TCF4: variants seen among roughly 807,000 people sequenced by gnomAD.
The protein encoded by TCF4 is transcription factor 4, also known as SL3-3 enhancer factor 2.
Under a neutral mutation model 82.1 loss-of-function variants are expected in TCF4, and 3 were observed. The observed-to-expected ratio is 0.04, with a 90% CI of 0.02 to 0.09. The LOEUF (loss-of-function observed/expected upper bound fraction) is 0.09, where lower values mean the gene tolerates loss of function less well. TCF4 is among the 10% of genes least tolerant of loss of function. The pLI is 1.00. For missense variants in TCF4, 518 were observed against 852.7 expected, an observed-to-expected ratio of 0.61 and a Z score of 4.89; for synonymous variants, 276 against 309.6, an observed-to-expected ratio of 0.89 and a Z score of 1.14.
chr18:55,394,518 C>T (rs2093370539), intron 6 of TCF4, among the ~76,000 whole-genome samples: 1 of 152,058 alleles, frequency 6.6e-6, no homozygotes, highest in African/African-American at 2.4e-5. Context: ...CCTAAGAATG[C>T]TAACAGTGAT....
At chr18:55,589,677 T>C (rs1948584713), upstream of TCF4, 1 of 1,037,288 alleles carries the variant, frequency 9.6e-7, no homozygotes, top group African/African-American at 1.7e-5. Context: ...AGTTTAGAGG[T>C]GTCTCATCAT....
intron 6 of TCF4, among the ~76,000 whole-genome samples, chr18:55,361,533 C>G (rs756827997): frequency 3.3e-5 from 5 of 152,206 alleles, no homozygotes; most frequent in African/African-American, 4.8e-5. Flanking sequence ...CTGGAAGACC[C>G]TTTCTTCCCA....
intron 8 of TCF4, among the ~76,000 whole-genome samples, chr18:55,344,250 A>G (rs1201997633): frequency 6.6e-6 from 1 of 152,194 alleles, no homozygotes; most frequent in African/African-American, 2.4e-5. Context: ...TTGCTATGTT[A>G]GCAAATAAAA....
At chr18:55,262,397 G>A (rs1206082928) in intron 11 of TCF4, among the ~76,000 whole-genome samples, 1 of 152,180 alleles carries the variant, frequency 6.6e-6, no homozygotes, top group African/African-American at 2.4e-5. Flanking sequence ...AGTATTAACA[G>A]AATGCCTAGC....
intron 2 of TCF4, among the ~76,000 whole-genome samples, chr18:55,617,104 A>C (rs1394416279): frequency 6.6e-6 from 1 of 152,106 alleles, no homozygotes; most frequent in East Asian, 1.9e-4. Context: ...AATTACATTT[A>C]AATCTCAAAT....
chr18:55,632,449 C>T (rs922918423), intron 1 of TCF4, among the ~76,000 whole-genome samples: 4 of 152,048 alleles, frequency 2.6e-5, no homozygotes, highest in African/African-American at 4.8e-5. Flanking sequence ...TTCAGGGAGA[C>T]GATGGAGTTT....
intron 8 of TCF4, among the ~76,000 whole-genome samples, chr18:55,300,257 TA>T (rs2146917197): frequency 6.6e-6 from 1 of 152,300 alleles, no homozygotes; most frequent in South Asian, 2.1e-4. Context: ...ATTTGTTTCT[TA>T]ACTGTGGTAC....
intron 8 of TCF4, among the ~76,000 whole-genome samples, chr18:55,291,841 G>A (rs573638653): frequency 6.6e-6 from 1 of 152,258 alleles, no homozygotes; most frequent in South Asian, 2.1e-4. Flanking sequence ...AATTAGAAGG[G>A]CAGAATTTTC....
intron 11 of TCF4, chr18:55,269,460 G>A (rs2059884025): frequency 3.2e-6 from 1 of 315,854 alleles, no homozygotes; most frequent in Non-Finnish European, 6.2e-6. Flanking sequence ...GGAATTTTGG[G>A]AAGTGGTCAA....
intron 8 of TCF4, chr18:55,321,148 G>T: frequency 6.3e-6 from 1 of 157,814 alleles, no homozygotes; most frequent in Non-Finnish European, 1.4e-5. Flanking sequence ...TTATGTGTTT[G>T]CTCTATTTTA....
At chr18:55,558,197 T>A (rs143117568) in intron 3 of TCF4, among the ~76,000 whole-genome samples, 55 of 152,144 alleles carry the variant, frequency 3.6e-4, no homozygotes, top group African/African-American at 1.2e-3. Flanking sequence ...GGCAACAGGG[T>A]GAGACTGTCT....
intron 5 of TCF4, among the ~76,000 whole-genome samples, chr18:55,431,423 G>C (rs948828489): frequency 6.6e-6 from 1 of 152,130 alleles, no homozygotes; most frequent in Non-Finnish European, 1.5e-5. Context: ...GGGATTACAG[G>C]CACCTGCCAC....
intron 6 of TCF4, among the ~76,000 whole-genome samples, chr18:55,358,768 T>C (rs1469589237): frequency 3.3e-5 from 5 of 152,214 alleles, no homozygotes; most frequent in East Asian, 1.9e-4. Flanking sequence ...TCTAATTAAG[T>C]AGGGTCAGAC....
At chr18:55,580,053 A>G (rs1245794317) in intron 3 of TCF4, among the ~76,000 whole-genome samples, 1 of 152,000 alleles carries the variant, frequency 6.6e-6, no homozygotes, top group African/African-American at 2.4e-5. Context: ...TAGGGTAAGG[A>G]TAATTTGCTG....
intron 8 of TCF4, among the ~76,000 whole-genome samples, chr18:55,292,696 A>ATG (rs35399017): frequency 0.015 from 2,312 of 151,064 alleles, 24 homozygotes; most frequent in Non-Finnish European, 0.023. Context: ...ATAGACATGA[A>ATG]TGTGTGTGTG....
chr18:55,476,961 T>C (rs745912266), intron 3 of TCF4, among the ~76,000 whole-genome samples: 1 of 152,166 alleles, frequency 6.6e-6, no homozygotes, highest in East Asian at 1.9e-4. Context: ...AAAATCAGCA[T>C]ACACACACAC....
chr18:55,294,258 T>C (rs2065914279), intron 8 of TCF4, among the ~76,000 whole-genome samples: 1 of 149,524 alleles, frequency 6.7e-6, no homozygotes, highest in Admixed American at 6.7e-5. Context: ...AGAATCTGTC[T>C]CAAAAAAAAA....
chr18:55,315,967 AT>A (rs1338638813), intron 8 of TCF4, among the ~76,000 whole-genome samples: 1 of 152,072 alleles, frequency 6.6e-6, no homozygotes, highest in African/African-American at 2.4e-5. Flanking sequence ...AATGTTTATC[AT>A]ATACAACTTT....
At chr18:55,299,247 C>T (rs1311527550) in intron 8 of TCF4, among the ~76,000 whole-genome samples, 1 of 152,102 alleles carries the variant, frequency 6.6e-6, no homozygotes, top group East Asian at 1.9e-4. Context: ...CTCATCTCTA[C>T]TAAAAATACA....
Sources: allele counts gnomAD v4.1 joint callset (sites outside exome capture counted in the v4.1 genomes callset), GRCh38; gene constraint gnomAD v4.1.1; transcripts MANE v1.5; gene names NCBI Gene and HGNC (gene_info 2026-07-23, HGNC 2026-07-21).